The following PDE1C variants were observed in gnomAD, a reference collection of about 807,000 sequenced individuals.
The protein encoded by PDE1C is phosphodiesterase 1C.
In PDE1C, 62 loss-of-function variants were observed where a neutral mutation model predicts 93.1. The ratio of observed to expected loss-of-function variants is 0.67; its 90% CI spans 0.54 to 0.82. PDE1C has a LOEUF of 0.82. Ranked by LOEUF, PDE1C falls within the 40% of genes least tolerant of loss-of-function variation. The pLI is 0.00. For missense variants in PDE1C, 742 were observed against 884.6 expected (o/e 0.84, Z 2.04); for synonymous variants, 325 against 310.1 (o/e 1.05, Z -0.50).
At chr7:31,639,333 C>A in the PDE1C span, among the ~76,000 whole-genome samples, 1 of 151,978 alleles carries the variant, frequency 6.6e-6, no homozygotes, top group Admixed American at 6.6e-5. Context: ...ATGACCATGT[C>A]TTCATGTCAC....
chr7:32,025,773 A>G (rs538777865), intron 2 of PDE1C, among the ~76,000 whole-genome samples: 28 of 152,266 alleles, frequency 1.8e-4, no homozygotes, highest in African/African-American at 6.0e-4. Context: ...CTATCTGTAC[A>G]TACAGCCAGA....
At chr7:32,202,684 G>C (rs1421530202) in intron 2 of PDE1C, among the ~76,000 whole-genome samples, 1 of 152,146 alleles carries the variant, frequency 6.6e-6, no homozygotes, top group East Asian at 1.9e-4. Flanking sequence ...ACACAAGTTG[G>C]GGTCTAACTG....
the PDE1C span, among the ~76,000 whole-genome samples, chr7:31,648,055 T>A: frequency 6.6e-6 from 1 of 152,048 alleles, no homozygotes; most frequent in Non-Finnish European, 1.5e-5. Context: ...AAGTGTTAAT[T>A]CAAAAAAAAT....
chr7:31,768,179 T>A (rs1162591704), intron 17 of PDE1C, among the ~76,000 whole-genome samples: 3 of 152,204 alleles, frequency 2.0e-5, no homozygotes, highest in African/African-American at 7.2e-5. Context: ...GGTGCATGAC[T>A]GCTTTCTACT....
the PDE1C span, among the ~76,000 whole-genome samples, chr7:31,737,743 G>A: frequency 6.7e-6 from 1 of 148,632 alleles, no homozygotes; most frequent in Non-Finnish European, 1.5e-5. Context: ...GGAGGTTGCA[G>A]TGAGCCAAGA....
the PDE1C span, among the ~76,000 whole-genome samples, chr7:31,670,129 T>C: frequency 6.6e-6 from 1 of 152,212 alleles, no homozygotes; most frequent in Non-Finnish European, 1.5e-5. Flanking sequence ...CAAACATTCA[T>C]ATACAGGCTG....
chr7:32,135,612 T>A (rs1800161969), intron 3 of PDE1C, among the ~76,000 whole-genome samples: 1 of 152,146 alleles, frequency 6.6e-6, no homozygotes, highest in African/African-American at 2.4e-5. Context: ...AGACAAGGGA[T>A]AAATGTTGGC....
chr7:32,335,457 T>A (rs1783600307), intron 1 of PDE1C, among the ~76,000 whole-genome samples: 1 of 152,202 alleles, frequency 6.6e-6, no homozygotes, highest in Admixed American at 6.5e-5. Context: ...ACTGAGTGGC[T>A]TAAAGAATGG....
chr7:31,854,778 A>G (rs1402914673), intron 7 of PDE1C, among the ~76,000 whole-genome samples: 1 of 152,070 alleles, frequency 6.6e-6, no homozygotes, highest in Non-Finnish European at 1.5e-5. Context: ...CTTAAAGAAC[A>G]CTTCCGGGCC....
chr7:31,695,651 A>G, the PDE1C span: 4 of 1,571,856 alleles, frequency 2.5e-6, no homozygotes, highest in African/African-American at 1.4e-5. Context: ...GCACAGCTGT[A>G]AAGGAGAGCC....
At chr7:31,644,054 C>A in the PDE1C span, 4 of 1,068,602 alleles carry the variant, frequency 3.7e-6, no homozygotes, top group Non-Finnish European at 5.3e-6. Context: ...GATCTCAGGG[C>A]AAACTTTTCT....
chr7:31,730,606 T>C, the PDE1C span, among the ~76,000 whole-genome samples: 1 of 152,222 alleles, frequency 6.6e-6, no homozygotes, highest in Non-Finnish European at 1.5e-5. Context: ...TTTTTATTTT[T>C]CCGGTTGGAA....
chr7:31,753,470 C>G lies in PDE1C; in HGVS notation c.2044G>C (p.Glu682Gln). Residue 682 changes from glutamate to glutamine, a missense_variant, in exon 18 of 18, where the codon GAG (glutamate) becomes CAG (glutamine). By Grantham distance (29) the Glu-to-Gln change is conservative (BLOSUM62 2). Transcript: ENST00000396191. ...AGCATCTTGTACCTTGCAGGATGCT[C>G]ATCAGTTTTCTTTGAGACTGAAGGT... is the stretch of plus-strand genomic sequence containing the variant. ...YAPSVSKKTD[E>Q]HPARYKMLDQ... The G allele has an allele frequency of 6.2e-7, 1 of 1,612,534 alleles. No individual in the cohort carries two copies. The highest frequency in any genetic ancestry group is 1.1e-5 in the South Asian group (1 of 91,004).
At chr7:32,097,294 CAT>C (rs1190090443) in intron 3 of PDE1C, among the ~76,000 whole-genome samples, 1 of 152,180 alleles carries the variant, frequency 6.6e-6, no homozygotes, top group African/African-American at 2.4e-5. Flanking sequence ...AAAGGTGAAA[CAT>C]AAAATTAACT....
chr7:32,173,962 G>A (rs1180986471), intron 2 of PDE1C, among the ~76,000 whole-genome samples: 1 of 152,148 alleles, frequency 6.6e-6, no homozygotes, highest in African/African-American at 2.4e-5. Flanking sequence ...CAAACTGCTT[G>A]TGTCTATCAA....
chr7:32,252,034 A>T (rs1315593330), intron 1 of PDE1C, among the ~76,000 whole-genome samples: 2 of 152,234 alleles, frequency 1.3e-5, no homozygotes, highest in Non-Finnish European at 1.5e-5. Context: ...GCACCTCTCT[A>T]TAGAGCCAGG....
intron 3 of PDE1C, among the ~76,000 whole-genome samples, chr7:32,160,241 G>GA (rs1301392080): frequency 6.0e-5 from 9 of 150,944 alleles, no homozygotes; most frequent in Non-Finnish European, 1.2e-4. Flanking sequence ...TAAATCATCA[G>GA]AAAAAAAAAG....
chr7:31,674,278 T>C, the PDE1C span, among the ~76,000 whole-genome samples: 1 of 152,100 alleles, frequency 6.6e-6, no homozygotes, highest in Non-Finnish European at 1.5e-5. Context: ...TATGCTTTGA[T>C]GGAAGGATAG....
At chr7:32,292,103 T>C (rs1812369431) in intron 1 of PDE1C, among the ~76,000 whole-genome samples, 1 of 152,194 alleles carries the variant, frequency 6.6e-6, no homozygotes, top group African/African-American at 2.4e-5. Flanking sequence ...CCAGGCCCTG[T>C]GCTAGAAGCT....
Sources: gnomAD v4.1 joint callset for allele counts (sites outside exome capture counted in the v4.1 genomes callset) on GRCh38, gnomAD v4.1.1 for gene constraint, MANE v1.5 for transcripts, NCBI Gene and HGNC (gene_info 2026-07-23, HGNC 2026-07-21) for gene names.